Variants in ARHGAP17 observed in about 807,000 individuals in gnomAD.
ARHGAP17 encodes rho GTPase-activating protein 17.
In ARHGAP17, 57 loss-of-function variants were observed where a neutral mutation model predicts 99.5. That is an observed-to-expected ratio of 0.57 (90% CI 0.46 to 0.71). The LOEUF is 0.71. ARHGAP17 is among the 30% of genes least tolerant of loss of function. The pLI, the probability that ARHGAP17 is intolerant of heterozygous loss-of-function variation, is 0.00. For synonymous variants in ARHGAP17, 417 were observed against 429.6 expected (o/e 0.97, Z 0.36); for missense variants, 1,000 against 1,122.4 (o/e 0.89, Z 1.56).
chr16:24,959,546 G>T, intron 9 of ARHGAP17, 125 bp downstream of exon 9: 1 of 864,188 alleles, frequency 1.2e-6, no homozygotes, highest in Non-Finnish European at 1.8e-6. Flanking sequence ...CTGGGAAACA[G>T]TACCCTCCTA....
At chr16:24,980,116 T>C (rs1328033669) in intron 1 of ARHGAP17, among the ~76,000 whole-genome samples, 3 of 152,208 alleles carry the variant, frequency 2.0e-5, no homozygotes, top group African/African-American at 7.2e-5. Flanking sequence ...ACAGGGATTG[T>C]ATGATCTTGG....
intron 3 of ARHGAP17, among the ~76,000 whole-genome samples, chr16:24,972,818 C>T (rs796201377): frequency 2.9e-5 from 4 of 139,170 alleles, no homozygotes; most frequent in African/African-American, 9.8e-5. Flanking sequence ...TTCCTATGTA[C>T]ATAAATAAGG....
At chr16:24,990,155 A>G (rs1044603854) in intron 1 of ARHGAP17, among the ~76,000 whole-genome samples, 2 of 152,234 alleles carry the variant, frequency 1.3e-5, no homozygotes, top group Non-Finnish European at 1.5e-5. Context: ...AACTAAAGAT[A>G]AAAGGGGAAA....
At chr16:24,990,242 T>G (rs939839997) in intron 1 of ARHGAP17, among the ~76,000 whole-genome samples, 1 of 152,210 alleles carries the variant, frequency 6.6e-6, no homozygotes, top group Non-Finnish European at 1.5e-5. Context: ...CCCGGCACTC[T>G]GGGAGGCCAA....
rs772152088 is a variant in ARHGAP17 at position 24,952,414 on chromosome 16, G to A, written c.965-44C>T. On this transcript the variant is annotated intron_variant, in intron 11 of 19. Transcript: ENST00000289968. ...TCTTTGAGTATGAAAAAGGGGTAAG[G>A]CTAGGAATCTTGGGACATATTATTT... 36 of 1,476,264 alleles carry A rather than the reference G, an allele frequency of 2.4e-5. No homozygotes were observed. In the South Asian group the frequency reaches 4.0e-4, roughly 16 times the overall value. 91.4% of individuals were successfully genotyped at this position (1,476,264 alleles called of 1,614,324 possible).
intron 18 of ARHGAP17, among the ~76,000 whole-genome samples, chr16:24,934,941 G>C (rs60112224): frequency 6.6e-6 from 1 of 152,156 alleles, no homozygotes; most frequent in Non-Finnish European, 1.5e-5. Context: ...CCAAAGCACA[G>C]AGAACCCAGG....
intron 12 of ARHGAP17, among the ~76,000 whole-genome samples, chr16:24,951,036 C>T (rs947825760): frequency 1.3e-5 from 2 of 151,876 alleles, no homozygotes; most frequent in Admixed American, 1.3e-4. Flanking sequence ...GTTCCTCTTC[C>T]CTTAGTGGTG....
chr16:24,993,719 T>G (rs2053116863), intron 1 of ARHGAP17, among the ~76,000 whole-genome samples: 1 of 152,166 alleles, frequency 6.6e-6, no homozygotes, highest in South Asian at 2.1e-4. Context: ...TCTTTGAACC[T>G]TCAGAAAGAG....
intron 1 of ARHGAP17, 60 bp downstream of exon 1, chr16:25,015,149 G>GCCCAC: frequency 1.2e-6 from 1 of 824,106 alleles, no homozygotes; most frequent in Middle Eastern, 4.4e-4. Flanking sequence ...TCCCGCCCCC[G>GCCCAC]CGCCCTCCGC....
intron 1 of ARHGAP17, among the ~76,000 whole-genome samples, chr16:24,996,240 T>C (rs1275517150): frequency 1.1e-4 from 17 of 152,164 alleles, no homozygotes. Flanking sequence ...AACCTACCAG[T>C]GGAGTAACAG....
At chr16:24,964,378 G>T in intron 6 of ARHGAP17, 70 bp from the exon 7 acceptor site, 3 of 1,035,720 alleles carry the variant, frequency 2.9e-6, no homozygotes, top group Non-Finnish European at 4.4e-6. Context: ...GGCAGGACCT[G>T]GTGGAGATAG....
chr16:25,002,975 G>T (rs1273297852), intron 1 of ARHGAP17, among the ~76,000 whole-genome samples: 1 of 141,510 alleles, frequency 7.1e-6, no homozygotes, highest in African/African-American at 2.6e-5. Flanking sequence ...GGAGACGGAG[G>T]TTGCAGTGAG....
intron 19 of ARHGAP17, among the ~76,000 whole-genome samples, chr16:24,922,351 A>T (rs1375657895): frequency 2.0e-5 from 3 of 152,250 alleles, no homozygotes; most frequent in African/African-American, 7.2e-5. Flanking sequence ...CCTATCAGCC[A>T]CCAAGCCCCT....
chr16:25,004,233 G>A (rs1466293141), intron 1 of ARHGAP17, among the ~76,000 whole-genome samples: 1 of 152,132 alleles, frequency 6.6e-6, no homozygotes, highest in Admixed American at 6.6e-5. Context: ...AGACCAGCCT[G>A]GGCAACATAG....
intron 1 of ARHGAP17, among the ~76,000 whole-genome samples, chr16:24,979,689 CATA>C (rs1370051206): frequency 6.7e-6 from 1 of 148,364 alleles, no homozygotes; most frequent in African/African-American, 2.5e-5. Flanking sequence ...ACTGTCAGAC[CATA>C]ATAATTTTTA....
In ARHGAP17 at chr16:24,979,243, G is replaced by A. The variant is rs147449909; in HGVS notation, c.54-238C>T. ...CCAAAACAAGAACAAATGATCCTGA[G>A]TAGTGGTTCTCAAATTTGAGCAGGC... On this transcript the variant is annotated intron_variant, in intron 1 of 19. Transcript: ENST00000289968. Among the ~76,000 whole-genome samples the A allele has an allele frequency of 3.6e-4, 55 of 152,302 alleles. No homozygotes were observed. The East Asian group carries it at 0.01, about 28-fold the overall frequency.
intron 1 of ARHGAP17, among the ~76,000 whole-genome samples, chr16:25,000,796 G>A (rs2053340303): frequency 6.6e-6 from 1 of 152,136 alleles, no homozygotes; most frequent in Admixed American, 6.5e-5. Flanking sequence ...AAAGTGCATT[G>A]CAATTGTTTT....
intron 14 of ARHGAP17, among the ~76,000 whole-genome samples, chr16:24,945,035 A>G (rs988099331): frequency 2.6e-5 from 4 of 152,030 alleles, no homozygotes; most frequent in Admixed American, 1.3e-4. Flanking sequence ...CAAGGCTCAA[A>G]AAGAAGAAAA....
intron 1 of ARHGAP17, among the ~76,000 whole-genome samples, chr16:24,979,704 T>TTTATTATTATTATTATTATTATTA (rs532237734): frequency 4.7e-5 from 7 of 150,508 alleles, no homozygotes; most frequent in Admixed American, 6.6e-5. Flanking sequence ...TAATTTTTAT[T>TTTATTATTATTATTATTATTATTA]TTATTATTAT....
Sources: gnomAD v4.1 joint callset for allele counts (sites outside exome capture counted in the v4.1 genomes callset) on GRCh38, gnomAD v4.1.1 for gene constraint, MANE v1.5 for transcripts, NCBI Gene and HGNC (gene_info 2026-07-23, HGNC 2026-07-21) for gene names.